The following MBD5 variants were observed in gnomAD, a reference collection of about 807,000 sequenced individuals.
MBD5 encodes the protein methyl-CpG-binding domain protein 5.
In MBD5, 13 loss-of-function variants were observed where a neutral mutation model predicts 117.3. The observed-to-expected ratio is 0.11, with a 90% CI of 0.07 to 0.18. The LOEUF is 0.18. Ranked by LOEUF, MBD5 falls within the 10% of genes least tolerant of loss-of-function variation. The pLI, the probability that MBD5 is intolerant of heterozygous loss-of-function variation, is 1.00. For missense variants in MBD5, 1,879 were observed against 2,093.8 expected (o/e 0.90, Z 2.00); for synonymous variants, 727 against 766.4 (o/e 0.95, Z 0.85).
chr2:148,022,616 C>A (rs762146196), intron 1 of MBD5, among the ~76,000 whole-genome samples: 5 of 152,142 alleles, frequency 3.3e-5, no homozygotes, highest in Non-Finnish European at 7.3e-5. Context: ...GGATTGGTAC[C>A]ACTTTCAGTT....
At chr2:148,263,079 G>A (rs957505722) in intron 3 of MBD5, among the ~76,000 whole-genome samples, 5 of 152,164 alleles carry the variant, frequency 3.3e-5, no homozygotes, top group African/African-American at 1.2e-4. Flanking sequence ...TTTGGATGGA[G>A]AATACAAGAA....
chr2:148,323,401 G>C (rs1472000659), intron 3 of MBD5, among the ~76,000 whole-genome samples: 5 of 151,464 alleles, frequency 3.3e-5, no homozygotes, highest in Non-Finnish European at 7.4e-5. Context: ...TCTAGTTCTA[G>C]ATCCCTGAGG....
intron 4 of MBD5, among the ~76,000 whole-genome samples, chr2:148,402,405 G>A (rs946068850): frequency 2.6e-5 from 4 of 151,926 alleles, no homozygotes; most frequent in African/African-American, 4.8e-5. Context: ...CAATAAAACA[G>A]CACATATTTA....
chr2:148,119,672 T>C (rs1321747823), intron 1 of MBD5, among the ~76,000 whole-genome samples: 1 of 152,140 alleles, frequency 6.6e-6, no homozygotes, highest in African/African-American at 2.4e-5. Context: ...TTTGAGTTAA[T>C]TTTTATGTAT....
chr2:148,162,624 AGT>A, intron 1 of MBD5, among the ~76,000 whole-genome samples: 1 of 152,330 alleles, frequency 6.6e-6, no homozygotes, highest in African/African-American at 2.4e-5. Context: ...AATTAGCAAT[AGT>A]GTGTGAGTAA....
At chr2:148,438,135 A>C (rs558272430) in intron 4 of MBD5, among the ~76,000 whole-genome samples, 1 of 152,226 alleles carries the variant, frequency 6.6e-6, no homozygotes, top group Non-Finnish European at 1.5e-5. Flanking sequence ...TTGTACATCC[A>C]GTATTGGAAA....
chr2:148,357,531 T>C (rs1703416331), intron 4 of MBD5, among the ~76,000 whole-genome samples: 1 of 152,054 alleles, frequency 6.6e-6, no homozygotes, highest in African/African-American at 2.4e-5. Flanking sequence ...ATTCATGTTG[T>C]ACTTGAATTT....
Position 148,174,515 on chromosome 2 carries a change from C to T in MBD5, c.-924-4185C>T, listed in dbSNP as rs193063266. ...AGAAACAATGTACAGAGACAGCCTA[C>T]AGATTGGGAGAAAATATTTTCAAGT... On this transcript the variant is annotated intron_variant, in intron 1 of 13. Coordinates refer to ENST00000642680, the MANE Select transcript of MBD5 (RefSeq NM_001378120.1). Among the ~76,000 whole-genome samples the T allele has an allele frequency of 5.3e-5, 8 of 151,812 alleles. No individual in the cohort carries two copies. In the East Asian group the frequency reaches 1.5e-3, roughly 29 times the overall value.
intron 3 of MBD5, among the ~76,000 whole-genome samples, chr2:148,326,146 T>C (rs934449745): frequency 1.3e-5 from 2 of 152,208 alleles, no homozygotes; most frequent in African/African-American, 4.8e-5. Context: ...GTGAGTGGTT[T>C]TGAGTGAGAT....
chr2:148,087,169 T>C (rs13389052), intron 1 of MBD5, among the ~76,000 whole-genome samples: 3,382 of 152,112 alleles, frequency 0.022, 117 homozygotes, highest in African/African-American at 0.077. Flanking sequence ...AAATCACCAA[T>C]CCTTTGAAAG....
At chr2:148,210,032 G>C (rs1280852214) in intron 2 of MBD5, among the ~76,000 whole-genome samples, 2 of 152,160 alleles carry the variant, frequency 1.3e-5, no homozygotes. Context: ...CCTCTTGGAG[G>C]AAGGCATTTG....
intron 3 of MBD5, among the ~76,000 whole-genome samples, chr2:148,299,305 T>C (rs545931362): frequency 1.3e-5 from 2 of 152,178 alleles, no homozygotes; most frequent in South Asian, 4.2e-4. Context: ...TTTTTGTATT[T>C]TTAGTAGAGA....
intron 1 of MBD5, among the ~76,000 whole-genome samples, chr2:148,081,335 G>A (rs1695642062): frequency 6.6e-6 from 1 of 152,066 alleles, no homozygotes; most frequent in Non-Finnish European, 1.5e-5. Context: ...GAGCTTAATG[G>A]TATTTGTTGA....
At chr2:148,146,809 A>T (rs1697480208) in intron 1 of MBD5, among the ~76,000 whole-genome samples, 1 of 152,070 alleles carries the variant, frequency 6.6e-6, no homozygotes, top group Non-Finnish European at 1.5e-5. Flanking sequence ...TTCTTATATA[A>T]GATAGTCTCA....
At chr2:148,257,227 C>T (rs967316196) in intron 3 of MBD5, among the ~76,000 whole-genome samples, 8 of 152,216 alleles carry the variant, frequency 5.3e-5, no homozygotes, top group South Asian at 2.1e-4. Flanking sequence ...CTCAAATAGG[C>T]GCCCCTGGTC....
intron 1 of MBD5, among the ~76,000 whole-genome samples, chr2:148,131,693 T>C (rs1240845604): frequency 6.6e-6 from 1 of 152,190 alleles, no homozygotes; most frequent in African/African-American, 2.4e-5. Context: ...AAAACCCTGT[T>C]TCTAAAACAG....
chr2:148,497,098 TAATG>T (rs1438457561), intron 11 of MBD5, among the ~76,000 whole-genome samples: 4 of 151,866 alleles, frequency 2.6e-5, no homozygotes, highest in African/African-American at 9.7e-5. Context: ...AAATGTTTGA[TAATG>T]AACCTAATAA....
chr2:148,254,005 G>C (rs765723151), intron 3 of MBD5, among the ~76,000 whole-genome samples: 1 of 152,154 alleles, frequency 6.6e-6, no homozygotes, highest in African/African-American at 2.4e-5. Flanking sequence ...TAGGCCAGGG[G>C]CACCCTCTGG....
At chr2:148,294,625 C>A (rs1377002196) in intron 3 of MBD5, among the ~76,000 whole-genome samples, 1 of 151,406 alleles carries the variant, frequency 6.6e-6, no homozygotes, top group Non-Finnish European at 1.5e-5. Flanking sequence ...GCCTCAGCCT[C>A]CCGAGTAGCT....
Sources: allele counts gnomAD v4.1 joint callset (sites outside exome capture counted in the v4.1 genomes callset), GRCh38; gene constraint gnomAD v4.1.1; transcripts MANE v1.5; gene names NCBI Gene and HGNC (gene_info 2026-07-23, HGNC 2026-07-21).